PCDHA1: variants seen among roughly 807,000 people sequenced by gnomAD.
The protein encoded by PCDHA1 is protocadherin alpha 1, also known as protocadherin alpha-1.
A neutral mutation model predicts 61.3 loss-of-function variants in PCDHA1; 42 were observed. The ratio of observed to expected loss-of-function variants is 0.69; its 90% confidence interval spans 0.54 to 0.89. PCDHA1 has a LOEUF of 0.89. Ranked by LOEUF, PCDHA1 falls within the 40% of genes least tolerant of loss-of-function variation. PCDHA1 has a pLI of 0.00. For synonymous variants in PCDHA1, 610 were observed against 553.8 expected (o/e 1.10, Z -1.43); for missense variants, 1,256 against 1,235.3 (o/e 1.02, Z -0.25).
rs116723352 is a variant in PCDHA1 at position 140,805,359 on chromosome 5, G to T, written c.2394+16675G>T. On this transcript the variant is annotated intron_variant, in intron 1 of 3. Transcript: ENST00000504120. ...TGATCATTTTGTAAAAATATAGTTT[G>T]GGTCCCCACATAGTGAAAGTACTCT... 602 of 1,184,762 alleles carry T rather than the reference G, an allele frequency of 5.1e-4. 6 individuals carry two copies. In the African/African-American group the frequency reaches 8.8e-3, roughly 17 times the overall value. 73.4% of individuals were successfully genotyped at this position (1,184,762 alleles called of 1,614,324 possible).
intron 1 of PCDHA1, chr5:140,859,925 A>T (rs1359267858): frequency 1.3e-5 from 2 of 152,068 alleles, no homozygotes; most frequent in African/African-American, 4.8e-5. Context: ...TAAGTAATAT[A>T]AAAAACTTAG....
intron 1 of PCDHA1, among the ~76,000 whole-genome samples, chr5:140,820,731 T>C (rs1766818492): frequency 6.6e-6 from 1 of 152,054 alleles, no homozygotes; most frequent in Admixed American, 6.5e-5. Flanking sequence ...AACCTAAACA[T>C]TTTGTGAAAT....
intron 1 of PCDHA1, chr5:140,871,045 G>C: frequency 6.2e-7 from 1 of 1,613,386 alleles, no homozygotes; most frequent in African/African-American, 1.3e-5. Context: ...CCGACTTCTA[G>C]TACTGGTGAA....
At chr5:140,875,842 A>G (rs782682417) in intron 1 of PCDHA1, 1 of 1,614,146 alleles carries the variant, frequency 6.2e-7, no homozygotes, top group Non-Finnish European at 8.5e-7. Context: ...CGTGGAGGTG[A>G]AGGACATTAA....
chr5:140,788,911 A>C, intron 1 of PCDHA1: 2 of 1,026,022 alleles, frequency 1.9e-6, no homozygotes, highest in Non-Finnish European at 2.6e-6. Context: ...TTTAAATGGC[A>C]GGTTAAAAAA....
At chr5:140,851,222 T>A in intron 1 of PCDHA1, 1 of 1,140,378 alleles carries the variant, frequency 8.8e-7, no homozygotes, top group Non-Finnish European at 1.1e-6. Context: ...TTAACATCAC[T>A]ATCATTTATT....
chr5:140,850,784 TAAG>T, intron 1 of PCDHA1: 1 of 1,597,982 alleles, frequency 6.3e-7, no homozygotes, highest in Non-Finnish European at 8.6e-7. Flanking sequence ...CTGGCGAGGG[TAAG>T]CAGAAGACCG....
chr5:140,992,017 C>CTGTGTGTGTGTG (rs10602499), intron 3 of PCDHA1, among the ~76,000 whole-genome samples: 10 of 145,628 alleles, frequency 6.9e-5, no homozygotes, highest in African/African-American at 2.3e-4. Flanking sequence ...AGAGGTGGCT[C>CTGTGTGTGTGTG]TGTGTGTGTG....
chr5:140,871,008 C>A lies in PCDHA1; in HGVS notation c.2394+82324C>A, dbSNP rs782247452. Reference sequence around the variant, plus strand: ...CGGGCGAGATAAGCACAACGCGTGCCCTGGACGAGGCAGACTCGCCGCGCC... The same window carrying A: ...CGGGCGAGATAAGCACAACGCGTGCACTGGACGAGGCAGACTCGCCGCGCC... On this transcript the variant is annotated intron_variant, in intron 1 of 3. Transcript: ENST00000504120. The A allele has an allele frequency of 5.6e-6, 9 of 1,613,284 alleles. No homozygotes were observed. The African/African-American group carries it at 1.1e-4, about 19-fold the overall frequency.
At chr5:140,867,426 AT>A (rs1462800556) in intron 1 of PCDHA1, 4 of 152,150 alleles carry the variant, frequency 2.6e-5, no homozygotes, top group African/African-American at 9.7e-5. Flanking sequence ...TTAATACAGA[AT>A]TTTGCATTTA....
At chr5:140,834,190 C>T in intron 1 of PCDHA1, 2 of 580,584 alleles carry the variant, frequency 3.4e-6, no homozygotes, top group South Asian at 2.5e-5. Context: ...CATGATGTCG[C>T]TCTTTACCGC....
At chr5:140,817,879 A>AT (rs1554127333) in intron 1 of PCDHA1, among the ~76,000 whole-genome samples, 1 of 152,168 alleles carries the variant, frequency 6.6e-6, no homozygotes, top group Non-Finnish European at 1.5e-5. Context: ...AATGAAAGTT[A>AT]TTTTTGCCAG....
chr5:140,807,036 G>GAA lies in PCDHA1; in HGVS notation c.2394+18355_2394+18356dup. 2.1e-6 allele frequency: 2 copies of GAA among 946,538 alleles called. 1 individual carries two copies. The highest frequency in any genetic ancestry group is 3.3e-5 in the South Asian group (2 of 59,988). The allele number at this position is 946,538 out of a possible 1,614,324, so 58.6% of individuals were successfully genotyped here. ...ATACATGAGAGAAGGAGGAAGAAGG[G>GAA]AAAATTCCTTCTATTCTTACTGGAA... On this transcript the variant is annotated intron_variant, in intron 1 of 3. Coordinates refer to ENST00000504120, the MANE Select transcript of PCDHA1 (RefSeq NM_018900.4).
At chr5:140,902,989 T>G (rs1350698990) in intron 1 of PCDHA1, among the ~76,000 whole-genome samples, 1 of 152,238 alleles carries the variant, frequency 6.6e-6, no homozygotes, top group East Asian at 1.9e-4. Context: ...GGTTCCATAT[T>G]TTTGCAATTG....
At chr5:140,936,986 A>G (rs2091244455) in intron 1 of PCDHA1, among the ~76,000 whole-genome samples, 1 of 151,898 alleles carries the variant, frequency 6.6e-6, no homozygotes, top group Non-Finnish European at 1.5e-5. Context: ...GCTTGTTAAC[A>G]TTGACAATAT....
intron 1 of PCDHA1, among the ~76,000 whole-genome samples, chr5:140,946,631 T>TATATATATACAC (rs57893927): frequency 0.012 from 1,602 of 131,782 alleles, 27 homozygotes; most frequent in South Asian, 0.028. Flanking sequence ...TATATATATA[T>TATATATATACAC]ACAATGGAAT....
At chr5:140,848,291 G>A (rs2150408103) in intron 1 of PCDHA1, 336,332 of 624,962 alleles carry the variant, frequency 0.54, 101,055 homozygotes, top group South Asian at 0.62. Context: ...TACACTTTGG[G>A]CCACGTGATG....
At chr5:140,852,756 G>A in intron 1 of PCDHA1, 1 of 983,910 alleles carries the variant, frequency 1.0e-6, no homozygotes, top group Non-Finnish European at 1.2e-6. Context: ...CTTGGACCCA[G>A]GTATCTGATT....
intron 1 of PCDHA1, chr5:140,843,316 T>G (rs1778793829): frequency 1.9e-6 from 3 of 1,595,872 alleles, no homozygotes; most frequent in South Asian, 1.1e-5. Flanking sequence ...CGGCCACGGT[T>G]CTGGTGTCGC....
Sources: gnomAD v4.1 joint callset for allele counts (sites outside exome capture counted in the v4.1 genomes callset) on GRCh38, gnomAD v4.1.1 for gene constraint, MANE v1.5 for transcripts, NCBI Gene and HGNC (gene_info 2026-07-23, HGNC 2026-07-21) for gene names.